Variants in JPT1 observed in about 807,000 individuals in gnomAD.
JPT1 encodes androgen-regulated protein 2.
In JPT1, 5 loss-of-function variants were observed where a neutral mutation model predicts 17.0. That is an observed-to-expected ratio of 0.29 (90% CI 0.15 to 0.62). The LOEUF (loss-of-function observed/expected upper bound fraction) is 0.62, where lower values mean the gene tolerates loss of function less well. JPT1 is among the 20% of genes least tolerant of loss of function. The pLI, the probability that JPT1 is intolerant of heterozygous loss-of-function variation, is 0.85. For missense variants in JPT1, 158 were observed against 188.1 expected (o/e 0.84, Z 0.94); for synonymous variants, 71 against 73.6 (o/e 0.96, Z 0.18).
chr17:75,135,925 C>A lies in JPT1; in HGVS notation c.*177G>T. Reference sequence around the variant, plus strand: ...AACACTCATGCCATGGCCCACAGACCCAAGAGTCAAGGACAGAGAGAAACC... The same window carrying A: ...AACACTCATGCCATGGCCCACAGACACAAGAGTCAAGGACAGAGAGAAACC... On this transcript the variant is annotated 3_prime_UTR_variant, in exon 5 of 5. Transcript: ENST00000409753. 7.1e-7 allele frequency: 1 copy of A among 1,406,904 alleles called. No individual in the cohort carries two copies. Among genetic ancestry groups the A allele is most frequent in the Non-Finnish European group, 9.7e-7 (1 of 1,033,270 alleles). The allele number at this position is 1,406,904 out of a possible 1,614,324, so 87.2% of individuals were successfully genotyped here. A position where few individuals can be genotyped will look rare whatever the true frequency, so the allele number is the denominator to read the frequency against.
In JPT1 at chr17:75,154,479, C is replaced by G. The variant is rs550700389; in HGVS notation, c.-82G>C. 510 of 1,337,876 alleles carry G rather than the reference C, an allele frequency of 3.8e-4. 1 individual carries two copies. The highest frequency in any genetic ancestry group is 1.3e-4 in the Non-Finnish European group (124 of 977,722). 82.9% of individuals were successfully genotyped at this position (1,337,876 alleles called of 1,614,324 possible). A position where few individuals can be genotyped will look rare whatever the true frequency, so the allele number is the denominator to read the frequency against. On this transcript the variant is annotated 5_prime_UTR_variant, in exon 1 of 5. Transcript: ENST00000409753. The stretch of plus-strand genomic sequence containing the variant: ...CGAGGGGCGCTGGGAAACTCCACAC[C>G]CAACAGCCGACCACCGCTGCAGGAG...
At position 75,140,106 on chromosome 17, in the gene JPT1, C is replaced by T. The variant is rs544671026; in HGVS notation, c.317-3856G>A. On this transcript the variant is annotated intron_variant, in intron 4 of 4. Transcript: ENST00000409753. ...CTAATTTTTGTATTTTTAGTAGAGA[C>T]GGGCTTTCACCATGTTGGCCAGGAT... Among the ~76,000 whole-genome samples the T allele has an allele frequency of 9.9e-5, 15 of 151,942 alleles. No individual in the cohort carries two copies. In the South Asian group the frequency reaches 1.5e-3, roughly 15 times the overall value.
intron 1 of JPT1, among the ~76,000 whole-genome samples, chr17:75,149,544 T>A (rs1399287328): frequency 2.6e-5 from 4 of 151,594 alleles, no homozygotes; most frequent in African/African-American, 4.8e-5. Context: ...ATTTTTTGTA[T>A]TTTTAGTAGA....
chr17:75,142,058 G>A (rs1323899387), intron 4 of JPT1, among the ~76,000 whole-genome samples: 5 of 151,980 alleles, frequency 3.3e-5, no homozygotes, highest in Admixed American at 3.3e-4. Flanking sequence ...GACAGAGCAA[G>A]GCTCTGTCTC....
intron 2 of JPT1, 25 bp downstream of exon 2, chr17:75,148,504 C>T (rs746739069): frequency 6.8e-6 from 11 of 1,613,158 alleles, no homozygotes; most frequent in South Asian, 1.1e-5. Flanking sequence ...TCCCTTTGAA[C>T]AGTGAGCACA....
chr17:75,153,725 G>C (rs117213586), intron 1 of JPT1: 3 of 152,346 alleles, frequency 2.0e-5, no homozygotes, highest in Non-Finnish European at 4.4e-5. Flanking sequence ...CCTCAATGGG[G>C]GGTGAAGGGT....
At chr17:75,154,119 T>G in intron 1 of JPT1, 1 of 249,384 alleles carries the variant, frequency 4.0e-6, no homozygotes, top group Non-Finnish European at 7.5e-6. Context: ...CCTGACTCCG[T>G]GGAAGGAATG....
chr17:75,145,354 C>CACTG (rs1297005195), intron 4 of JPT1: 2 of 152,212 alleles, frequency 1.3e-5, no homozygotes, highest in African/African-American at 4.8e-5. Context: ...TGCTGCACTT[C>CACTG]ACTGACTGCT....
chr17:75,148,729 A>C, intron 1 of JPT1, 58 bp from the exon 2 acceptor site: 1 of 1,588,934 alleles, frequency 6.3e-7, no homozygotes, highest in Non-Finnish European at 8.6e-7. Context: ...CTTGGCATAA[A>C]TCTTTTCAGA....
intron 3 of JPT1, among the ~76,000 whole-genome samples, chr17:75,147,170 C>G (rs534618879): frequency 1.3e-5 from 2 of 152,162 alleles, no homozygotes; most frequent in African/African-American, 2.4e-5. Flanking sequence ...CAGCACACCC[C>G]CTGGGGGGCT....
In JPT1 at chr17:75,154,450, G is replaced by A; in HGVS notation, c.-53C>T. On this transcript the variant is annotated 5_prime_UTR_variant, in exon 1 of 5. Transcript: ENST00000409753. ...CCGGAGCAGAACGCTCAAAGGGTCG[G>A]ACCCGAGGGGCGCTGGGAAACTCCA... is the stretch of plus-strand genomic sequence containing the variant. The A allele has an allele frequency of 6.7e-7, 1 of 1,502,596 alleles. No individual in the cohort carries two copies. Among genetic ancestry groups the A allele is most frequent in the Non-Finnish European group, 9.0e-7 (1 of 1,113,698 alleles). 93.1% of individuals were successfully genotyped at this position (1,502,596 alleles called of 1,614,324 possible). A position where few individuals can be genotyped will look rare whatever the true frequency, so the allele number is the denominator to read the frequency against.
At position 75,147,631 on chromosome 17, in the gene JPT1, C is replaced by G; in HGVS notation, c.222G>C (p.Arg74Ser). ...GCAGTCCAGATGACTCCAAGTCTTC[C>G]CTGCCACCACTAGACTTGGCACCTA... The part of the protein sequence containing the change: ...KSAGAKSSGG[R>S]EDLESSGLQR... The change falls in exon 3 of 5, where the codon AGG becomes AGC. Residue 74 changes from arginine (R) to serine (S), a missense_variant. Transcript: ENST00000409753. 6.2e-7 allele frequency: 1 copy of G among 1,613,480 alleles called. No individual in the cohort carries two copies. The highest frequency in any genetic ancestry group is 8.5e-7 in the Non-Finnish European group (1 of 1,179,466).
chr17:75,144,492 A>G, intron 4 of JPT1, among the ~76,000 whole-genome samples: 1 of 152,220 alleles, frequency 6.6e-6, no homozygotes. Flanking sequence ...AGTCTGGACA[A>G]CAGAGCAAGA....
intron 3 of JPT1, among the ~76,000 whole-genome samples, chr17:75,147,173 G>T (rs2074455746): frequency 6.6e-6 from 1 of 151,132 alleles, no homozygotes; most frequent in East Asian, 1.9e-4. Flanking sequence ...CACACCCCCT[G>T]GGGGGCTTGG....
chr17:75,147,891 C>T lies in JPT1; in HGVS notation c.200-238G>A, dbSNP rs560392931. 9.3e-4 allele frequency: 404 copies of T among 432,548 alleles called. 6 individuals are homozygous for T. The South Asian group carries it at 0.01, about 11-fold the overall frequency. 26.8% of individuals were successfully genotyped at this position (432,548 alleles called of 1,614,324 possible). On this transcript the variant is annotated intron_variant, in intron 2 of 4. Transcript: ENST00000409753. ...GTGCATGCTTGTAATCCTAGCTACT[C>T]GGGAGGCTGAGGCAGAAGAATCACT...
chr17:75,154,504 G>C lies in JPT1; in HGVS notation c.-107C>G, dbSNP rs979350843. On this transcript the variant is annotated 5_prime_UTR_variant, in exon 1 of 5. Transcript: ENST00000409753. The stretch of plus-strand genomic sequence containing the variant: ...CCAACAGCCGACCACCGCTGCAGGA[G>C]CCGCCGCTGCCGCCTGTCCGGCCGA... 7.3e-6 allele frequency: 7 copies of C among 961,504 alleles called. No individual in the cohort carries two copies. Among genetic ancestry groups the C allele is most frequent in the Non-Finnish European group, 1.1e-5 (7 of 655,876 alleles). 59.6% of individuals were successfully genotyped at this position (961,504 alleles called of 1,614,324 possible).
At chr17:75,140,672 C>T (rs2074290602) in intron 4 of JPT1, among the ~76,000 whole-genome samples, 1 of 152,214 alleles carries the variant, frequency 6.6e-6, no homozygotes, top group Non-Finnish European at 1.5e-5. Flanking sequence ...TATCTTATTA[C>T]TGTACCTCAG....
intron 4 of JPT1, among the ~76,000 whole-genome samples, chr17:75,136,780 G>A (rs1314616123): frequency 9.2e-5 from 14 of 152,016 alleles, no homozygotes. Context: ...GTGAGCCACC[G>A]CGCCTGGCCC....
chr17:75,137,524 TTTTG>T (rs1399697278), intron 4 of JPT1, among the ~76,000 whole-genome samples: 1 of 142,176 alleles, frequency 7.0e-6, no homozygotes, highest in Non-Finnish European at 1.5e-5. Context: ...AACTGGCTAT[TTTTG>T]TTTTTTTTTT....
Sources: allele counts gnomAD v4.1 joint callset (sites outside exome capture counted in the v4.1 genomes callset), GRCh38; gene constraint gnomAD v4.1.1; transcripts MANE v1.5; gene names NCBI Gene and HGNC (gene_info 2026-07-23, HGNC 2026-07-21).